Variants in EFNA5 observed in about 807,000 individuals in gnomAD.
EFNA5 encodes the protein ephrin-A5.
In EFNA5, 5 loss-of-function variants were observed where a neutral mutation model predicts 22.9. That is an observed-to-expected ratio of 0.22 (90% CI 0.11 to 0.46). The LOEUF (loss-of-function observed/expected upper bound fraction) is 0.46, where lower values mean the gene tolerates loss of function less well. Ranked by LOEUF, EFNA5 falls within the 20% of genes least tolerant of loss-of-function variation. EFNA5 has a pLI of 0.99. For missense variants in EFNA5, 237 were observed against 293.3 expected, an observed-to-expected ratio of 0.81 and a Z score of 1.40; for synonymous variants, 113 against 112.2, an observed-to-expected ratio of 1.01 and a Z score of -0.04.
intron 1 of EFNA5, among the ~76,000 whole-genome samples, chr5:107,481,459 C>G (rs80138931): frequency 0.052 from 7,912 of 152,250 alleles, 278 homozygotes; most frequent in Admixed American, 0.11. Flanking sequence ...TCTGAGAATA[C>G]AGAGAAAGTA....
intron 2 of EFNA5, among the ~76,000 whole-genome samples, chr5:107,405,855 T>G (rs1329666867): frequency 1.3e-5 from 2 of 150,630 alleles, no homozygotes; most frequent in South Asian, 4.2e-4. Flanking sequence ...TTTATATACA[T>G]AGAATGTATA....
intron 1 of EFNA5, among the ~76,000 whole-genome samples, chr5:107,474,905 T>C (rs1380264195): frequency 2.0e-5 from 3 of 152,214 alleles, no homozygotes; most frequent in Non-Finnish European, 2.9e-5. Context: ...GTTCCTACCA[T>C]TCAAGGCCTA....
intron 1 of EFNA5, among the ~76,000 whole-genome samples, chr5:107,491,138 C>T (rs1217462247): frequency 1.3e-5 from 2 of 152,190 alleles, no homozygotes; most frequent in African/African-American, 2.4e-5. Flanking sequence ...GGCTTTGTCA[C>T]CATTAGGGAC....
At chr5:107,588,595 C>T (rs1425245671) in intron 1 of EFNA5, among the ~76,000 whole-genome samples, 3 of 152,156 alleles carry the variant, frequency 2.0e-5, no homozygotes, top group Non-Finnish European at 1.5e-5. Flanking sequence ...ATAACTGTAT[C>T]GTATCTGCAT....
intron 1 of EFNA5, among the ~76,000 whole-genome samples, chr5:107,511,036 G>GTGTGTGTGTGTA (rs1747357091): frequency 1.3e-5 from 2 of 151,586 alleles, no homozygotes; most frequent in African/African-American, 4.9e-5. Flanking sequence ...GTGTGTGTGT[G>GTGTGTGTGTGTA]TGTGTGAGAC....
intron 1 of EFNA5, among the ~76,000 whole-genome samples, chr5:107,516,453 T>C (rs1168126481): frequency 6.6e-6 from 1 of 152,182 alleles, no homozygotes; most frequent in African/African-American, 2.4e-5. Flanking sequence ...GTCTATGTAG[T>C]GCCCAAAACA....
At chr5:107,627,568 C>T (rs372515421) in intron 1 of EFNA5, among the ~76,000 whole-genome samples, 9 of 143,338 alleles carry the variant, frequency 6.3e-5, no homozygotes, top group African/African-American at 2.1e-4. Context: ...CCCAGGAGTT[C>T]GAGGTTGCTG....
At chr5:107,591,999 AATATATAAT>A (rs1749368390) in intron 1 of EFNA5, among the ~76,000 whole-genome samples, 1 of 41,064 alleles carries the variant, frequency 2.4e-5, no homozygotes. Flanking sequence ...TAATATATAT[AATATATAAT>A]ATATATAATA....
chr5:107,454,762 A>C (rs1416398668), intron 1 of EFNA5, among the ~76,000 whole-genome samples: 2 of 152,194 alleles, frequency 1.3e-5, no homozygotes, highest in Non-Finnish European at 2.9e-5. Flanking sequence ...GTATATTTAG[A>C]TATAGGCAGG....
intron 1 of EFNA5, among the ~76,000 whole-genome samples, chr5:107,652,514 A>G (rs927833020): frequency 1.3e-5 from 2 of 152,198 alleles, no homozygotes; most frequent in African/African-American, 4.8e-5. Flanking sequence ...GCAGTCAAAG[A>G]ATTTTCTAAT....
intron 1 of EFNA5, among the ~76,000 whole-genome samples, chr5:107,601,685 C>G (rs987253150): frequency 2.6e-5 from 4 of 152,140 alleles, no homozygotes; most frequent in Non-Finnish European, 4.4e-5. Context: ...TAACTGAACA[C>G]TTATTAGTTG....
At chr5:107,662,986 T>C (rs577904754) in intron 1 of EFNA5, among the ~76,000 whole-genome samples, 1 of 152,070 alleles carries the variant, frequency 6.6e-6, no homozygotes, top group Non-Finnish European at 1.5e-5. Flanking sequence ...CATTAATATA[T>C]AATATGCCTG....
chr5:107,416,030 A>G (rs1283122072), intron 2 of EFNA5, among the ~76,000 whole-genome samples: 1 of 152,216 alleles, frequency 6.6e-6, no homozygotes, highest in Non-Finnish European at 1.5e-5. Flanking sequence ...CTGAAGAGAC[A>G]TATACTTTCA....
At chr5:107,402,502 T>TGTA (rs1379156305) in intron 2 of EFNA5, among the ~76,000 whole-genome samples, 1 of 152,234 alleles carries the variant, frequency 6.6e-6, no homozygotes, top group Non-Finnish European at 1.5e-5. Flanking sequence ...GTCTGAAAGA[T>TGTA]GTAAACACTG....
intron 1 of EFNA5, among the ~76,000 whole-genome samples, chr5:107,651,670 CAAA>C (rs5870275): frequency 2.2e-5 from 3 of 136,972 alleles, no homozygotes; most frequent in Non-Finnish European, 3.2e-5. Flanking sequence ...GGTTTTTTGG[CAAA>C]AAAAAAAAAA....
At chr5:107,567,746 T>C (rs1355530411) in intron 1 of EFNA5, among the ~76,000 whole-genome samples, 2 of 152,274 alleles carry the variant, frequency 1.3e-5, no homozygotes, top group South Asian at 2.1e-4. Context: ...AGGGAAAACC[T>C]AGGTGGAGGT....
At chr5:107,551,342 G>A (rs1247492796) in intron 1 of EFNA5, among the ~76,000 whole-genome samples, 1 of 152,110 alleles carries the variant, frequency 6.6e-6, no homozygotes, top group Non-Finnish European at 1.5e-5. Flanking sequence ...CACGATCTCT[G>A]CCACAGACAA....
chr5:107,636,054 T>C (rs1308974029), intron 1 of EFNA5, among the ~76,000 whole-genome samples: 1 of 152,234 alleles, frequency 6.6e-6, no homozygotes, highest in Non-Finnish European at 1.5e-5. Flanking sequence ...CATTAGATAT[T>C]CTGCATGCTA....
At chr5:107,460,910 C>T (rs1017336114) in intron 1 of EFNA5, among the ~76,000 whole-genome samples, 2 of 152,034 alleles carry the variant, frequency 1.3e-5, no homozygotes, top group Non-Finnish European at 2.9e-5. Context: ...CTAGGATATT[C>T]AATGAGAAAA....
Sources: gnomAD v4.1 joint callset for allele counts (sites outside exome capture counted in the v4.1 genomes callset) on GRCh38, gnomAD v4.1.1 for gene constraint, MANE v1.5 for transcripts, NCBI Gene and HGNC (gene_info 2026-07-23, HGNC 2026-07-21) for gene names.